The following KIF11 variants were observed in gnomAD, a reference collection of about 807,000 sequenced individuals.
KIF11 encodes kinesin family member 11, also known as kinesin-like protein KIF11.
A neutral mutation model predicts 121.0 loss-of-function variants in KIF11; 9 were observed. The observed-to-expected ratio is 0.07, with a 90% CI of 0.04 to 0.13. The LOEUF is 0.13. Among genes scored for constraint, KIF11 ranks in the 10% least tolerant of loss-of-function variants. The pLI, the probability that KIF11 is intolerant of heterozygous loss-of-function variation, is 1.00. For missense variants in KIF11, 846 were observed against 1,217.5 expected (o/e 0.69, Z 4.54); for synonymous variants, 408 against 421.0 (o/e 0.97, Z 0.38).
rs1340522763 is a variant in KIF11 at position 92,637,444 on chromosome 10, C to T, written c.2059C>T (p.His687Tyr). The T allele has an allele frequency of 1.3e-5, 21 of 1,603,186 alleles. No homozygotes were observed. The highest frequency in any genetic ancestry group is 1.4e-5 in the Non-Finnish European group (17 of 1,177,688). The change falls in exon 16 of 22, where the codon CAT becomes TAT. Residue 687 changes from histidine (H) to tyrosine (Y), a missense_variant. By Grantham distance (83) the His-to-Tyr change is moderately conservative. Transcript: ENST00000260731. ...TCTCAGTATACTGTGTAACAATCTA[C>T]ATGAACTACAAGAAAATACCATTTG... ...GFLSILCNNL[H>Y]ELQENTICSL...
In KIF11 at chr10:92,630,421, T is replaced by G. The variant is rs990775379; in HGVS notation, c.1494+57T>G. 3 of 1,075,882 alleles carry G rather than the reference T, an allele frequency of 2.8e-6. No individual in the cohort carries two copies. The African/African-American group carries it at 4.9e-5, about 18-fold the overall frequency. The allele number at this position is 1,075,882 out of a possible 1,614,324, so 66.6% of individuals were successfully genotyped here. The stretch of plus-strand genomic sequence containing the variant: ...TAAGTAGAGAATGGGTAGAAAAAAT[T>G]TTCTGTGCTTAAGCATTAAATATTC... On this transcript the variant is annotated intron_variant, in intron 12 of 21. Coordinates refer to ENST00000260731, the MANE Select transcript of KIF11 (RefSeq NM_004523.4).
intron 10 of KIF11, among the ~76,000 whole-genome samples, chr10:92,626,145 G>T (rs1589599546): frequency 6.6e-6 from 1 of 152,180 alleles, no homozygotes; most frequent in Non-Finnish European, 1.5e-5. Context: ...CAAAGCTGGA[G>T]GCATCGCATT....
Position 92,653,140 on chromosome 10 carries a change from C to G in KIF11, c.3040-525C>G, listed in dbSNP as rs546043734. Reference sequence around the variant, plus strand: ...TCTGCTTAAAACAGAATTGGCTTTTCTGCATGACAGCAAATCTTTGTTTCC... The same window carrying G: ...TCTGCTTAAAACAGAATTGGCTTTTGTGCATGACAGCAAATCTTTGTTTCC... On this transcript the variant is annotated intron_variant, in intron 21 of 21. Transcript: ENST00000260731. 3.3e-5 allele frequency among the ~76,000 whole-genome samples: 5 copies of G among 152,220 alleles called. No individual in the cohort carries two copies. The South Asian group carries it at 1.0e-3, about 32-fold the overall frequency.
At position 92,653,860 on chromosome 10, in the gene KIF11, A is replaced by T. The variant is rs571658907; in HGVS notation, c.*64A>T. The T allele has an allele frequency of 5.2e-4, 747 of 1,423,774 alleles. 1 individual carries two copies. The highest frequency in any genetic ancestry group is 6.9e-4 in the Non-Finnish European group (714 of 1,028,026). 88.2% of individuals were successfully genotyped at this position (1,423,774 alleles called of 1,614,324 possible). On this transcript the variant is annotated 3_prime_UTR_variant, in exon 22 of 22. Transcript: ENST00000260731. Reference sequence around the variant, plus strand: ...TTAAAAATAAAACCTGAAACCCCAGAACTTGAGCCTTGTGTATAGATTTTA... The same window carrying T: ...TTAAAAATAAAACCTGAAACCCCAGTACTTGAGCCTTGTGTATAGATTTTA...
intron 21 of KIF11, among the ~76,000 whole-genome samples, chr10:92,650,732 A>G (rs1844971444): frequency 6.6e-6 from 1 of 152,150 alleles, no homozygotes; most frequent in African/African-American, 2.4e-5. Flanking sequence ...GACTTAATCT[A>G]CATCCTTAGC....
At position 92,613,975 on chromosome 10, in the gene KIF11, C is replaced by T. The variant is rs75120115; in HGVS notation, c.1032+356C>T. Among the ~76,000 whole-genome samples the T allele has an allele frequency of 1.2e-5, 1 of 86,092 alleles. No individual in the cohort carries two copies. Among genetic ancestry groups the T allele is most frequent in the Non-Finnish European group, 2.3e-5 (1 of 43,786 alleles). 56.5% of individuals were successfully genotyped at this position (86,092 alleles called of 152,430 possible). On this transcript the variant is annotated intron_variant, in intron 8 of 21. Coordinates refer to ENST00000260731, the MANE Select transcript of KIF11 (RefSeq NM_004523.4). This position sits in a 1 kb window ranked among gnomAD's most constrained non-coding sequence, Gnocchi z 4.2. ...TGGGTGGCAGAGGGAGACCCCATCT[C>T]AAAAAAAAAAAAGTATGTGTATAAA... is the stretch of plus-strand genomic sequence containing the variant.
intron 6 of KIF11, among the ~76,000 whole-genome samples, 169 bp from the exon 7 acceptor site, chr10:92,612,871 C>T (rs1468116468): frequency 6.6e-6 from 1 of 152,206 alleles, no homozygotes; most frequent in Non-Finnish European, 1.5e-5. Flanking sequence ...AAATCCTAAT[C>T]ACTGTTCTAT....
chr10:92,622,867 GC>G (rs1844633399), intron 10 of KIF11, among the ~76,000 whole-genome samples: 1 of 152,122 alleles, frequency 6.6e-6, no homozygotes, highest in Admixed American at 6.6e-5. Flanking sequence ...CTAAGGAGAA[GC>G]AAGCACATAT....
chr10:92,599,744 C>T (rs1163528298), intron 1 of KIF11, among the ~76,000 whole-genome samples: 1 of 148,168 alleles, frequency 6.7e-6, no homozygotes, highest in Non-Finnish European at 1.5e-5. Flanking sequence ...CCTCTACCTC[C>T]CAGGTTCAAG....
At chr10:92,616,888 GA>G in intron 9 of KIF11, 56 bp downstream of exon 9, 5 of 994,048 alleles carry the variant, frequency 5.0e-6, no homozygotes, top group Non-Finnish European at 6.2e-6. Context: ...GTGAAAATAA[GA>G]AACTGAAGTG....
intron 13 of KIF11, among the ~76,000 whole-genome samples, chr10:92,633,187 A>G (rs538485986): frequency 4.6e-5 from 7 of 152,290 alleles, no homozygotes; most frequent in African/African-American, 1.2e-4. Context: ...GTGAAATACT[A>G]TCCTCATTAT....
At chr10:92,646,250 C>T (rs541844839) in intron 18 of KIF11, among the ~76,000 whole-genome samples, 1 of 152,082 alleles carries the variant, frequency 6.6e-6, no homozygotes, top group Non-Finnish European at 1.5e-5. Context: ...CTGCGCCCGG[C>T]CTATCTTTGC....
rs1554863366 is a variant in KIF11 at position 92,651,507 on chromosome 10, G to GTAT, written c.3039+991_3039+992insATT. 3.1e-3 allele frequency among the ~76,000 whole-genome samples: 162 copies of GTAT among 52,964 alleles called. 23 individuals are homozygous for GTAT. Among genetic ancestry groups the GTAT allele is most frequent in the Admixed American group, 8.9e-3 (35 of 3,936 alleles). The allele number at this position is 52,964 out of a possible 152,430, so 34.7% of individuals were successfully genotyped here. On this transcript the variant is annotated intron_variant, in intron 21 of 21. Transcript: ENST00000260731. Reference sequence around the variant, plus strand: ...TGTGCCACCATGCCTGGCTAATTTTGTTTTTTTTTTTTTTTTTTTTTTTTT... The same window carrying GTAT: ...TGTGCCACCATGCCTGGCTAATTTTGTATTTTTTTTTTTTTTTTTTTTTTTTTT...
Position 92,621,602 on chromosome 10 carries a change from G to T in KIF11, c.1217+129G>T. The T allele has an allele frequency of 2.0e-5, 12 of 588,060 alleles. No individual in the cohort carries two copies. In the South Asian group the frequency reaches 2.4e-4, roughly 12 times the overall value. 36.4% of individuals were successfully genotyped at this position (588,060 alleles called of 1,614,324 possible). A position where few individuals can be genotyped will look rare whatever the true frequency, so the allele number is the denominator to read the frequency against. On this transcript the variant is annotated intron_variant, in intron 10 of 21. Coordinates refer to ENST00000260731, the MANE Select transcript of KIF11 (RefSeq NM_004523.4). ...TGCCGATAAATACTTCATTTTGTGT[G>T]TGTGTGTGTTTTCTTTTGAGACAAG...
chr10:92,610,627 G>A (rs1052573588), intron 6 of KIF11, among the ~76,000 whole-genome samples: 3 of 151,610 alleles, frequency 2.0e-5, no homozygotes, highest in Admixed American at 2.0e-4. Context: ...TCTCAGTTTC[G>A]CGGTTAATTC....
chr10:92,633,715 C>T lies in KIF11; in HGVS notation c.1795C>T (p.His599Tyr). ...LTSIPENVST[H>Y]VSQIFNMILK... ...ATCTATTCCAGAAAATGTGTCTACT[C>T]ATGTTTCTCAGATTTTTAATATGAT... The change falls in exon 14 of 22, where the codon CAT (histidine) becomes TAT (tyrosine). Residue 599 changes from histidine (H) to tyrosine (Y), a missense_variant. Around this residue, in one of 5 missense-constraint regions of KIF11, gnomAD observed 492 missense variants for 603.4 expected, o/e 0.82. Coordinates refer to ENST00000260731, the MANE Select transcript of KIF11 (RefSeq NM_004523.4). 1.9e-6 allele frequency: 3 copies of T among 1,594,576 alleles called. No homozygotes were observed. The highest frequency in any genetic ancestry group is 3.3e-5 in the Admixed American group (2 of 59,840).
At chr10:92,624,905 G>T (rs1844656132) in intron 10 of KIF11, among the ~76,000 whole-genome samples, 1 of 151,702 alleles carries the variant, frequency 6.6e-6, no homozygotes, top group Non-Finnish European at 1.5e-5. Context: ...AAGTATCTGG[G>T]ATTATAGGCA....
At chr10:92,629,292 T>G (rs527364472) in intron 11 of KIF11, among the ~76,000 whole-genome samples, 72 of 151,956 alleles carry the variant, frequency 4.7e-4, no homozygotes, top group African/African-American at 1.7e-3. Flanking sequence ...CCTTCAGATT[T>G]TTTTGGAAAA....
Position 92,613,352 on chromosome 10 carries a change from T to C in KIF11, c.790-25T>C. On this transcript the variant is annotated intron_variant, in intron 7 of 21. Transcript: ENST00000260731. This position sits in a 1 kb window ranked among gnomAD's most constrained non-coding sequence, Gnocchi z 4.2. The stretch of plus-strand genomic sequence containing the variant: ...GAATCCAAATCCAATAGACTCACTT[T>C]TTATTTTTATTTTTAAAATTAAAGG... The C allele has an allele frequency of 4.6e-6, 7 of 1,513,364 alleles. No homozygotes were observed. The highest frequency in any genetic ancestry group is 4.5e-6 in the Non-Finnish European group (5 of 1,118,516). The allele number at this position is 1,513,364 out of a possible 1,614,324, so 93.7% of individuals were successfully genotyped here.
Sources: gnomAD v4.1 joint callset for allele counts (sites outside exome capture counted in the v4.1 genomes callset) on GRCh38, gnomAD v4.1.1 for gene constraint, gnomAD v4.1.1 regional missense constraint, Gnocchi (gnomAD v3.1) non-coding constraint, MANE v1.5 for transcripts, NCBI Gene and HGNC (gene_info 2026-07-23, HGNC 2026-07-21) for gene names.